The following CTNNA3 variants were observed in gnomAD, a reference collection of about 807,000 sequenced individuals.
The protein encoded by CTNNA3 is catenin alpha 3.
CTNNA3 carries 76 observed loss-of-function variants against 95.7 expected under a neutral mutation model. That is an observed-to-expected ratio of 0.79 (90% CI 0.66 to 0.96). The LOEUF (loss-of-function observed/expected upper bound fraction) is 0.96. Ranked by LOEUF, CTNNA3 falls within the 40% of genes least tolerant of loss-of-function variation. CTNNA3 has a pLI of 0.00. For missense variants in CTNNA3, 1,191 were observed against 1,089.8 expected (o/e 1.09, Z -1.31); for synonymous variants, 431 against 374.4 (o/e 1.15, Z -1.74).
chr10:67,259,576 A>C (rs1222522424), intron 5 of CTNNA3, among the ~76,000 whole-genome samples: 1 of 152,204 alleles, frequency 6.6e-6, no homozygotes, highest in African/African-American at 2.4e-5. Context: ...GAAAGATGAT[A>C]ATAAGATAAT....
intron 5 of CTNNA3, among the ~76,000 whole-genome samples, chr10:67,295,686 C>G (rs1840004905): frequency 3.9e-5 from 6 of 152,150 alleles, no homozygotes; most frequent in Admixed American, 3.9e-4. Context: ...TAAAATCAGG[C>G]AGTAAAGCCA....
chr10:67,482,522 G>T (rs990655561), intron 5 of CTNNA3, among the ~76,000 whole-genome samples: 3 of 152,088 alleles, frequency 2.0e-5, no homozygotes, highest in Non-Finnish European at 4.4e-5. Context: ...TTGTGAATGG[G>T]AGTTCACTCA....
chr10:66,360,808 C>CCTTTTCTTTCTTTCTTT (rs1491414686), intron 12 of CTNNA3, among the ~76,000 whole-genome samples: 1 of 61,810 alleles, frequency 1.6e-5, no homozygotes, highest in Non-Finnish European at 3.1e-5. Context: ...TTCCTTCCTT[C>CCTTTTCTTTCTTTCTTT]CTTCCTTCCT....
At chr10:66,819,606 G>T (rs1589291440) in intron 7 of CTNNA3, among the ~76,000 whole-genome samples, 1 of 151,642 alleles carries the variant, frequency 6.6e-6, no homozygotes, top group African/African-American at 2.4e-5. Flanking sequence ...TCTGATAAGG[G>T]TCTAGTATAC....
At chr10:67,592,435 T>C (rs924226115) in intron 3 of CTNNA3, among the ~76,000 whole-genome samples, 3 of 152,124 alleles carry the variant, frequency 2.0e-5, no homozygotes, top group African/African-American at 7.2e-5. Flanking sequence ...AAGAAGCTGC[T>C]GGACACCACT....
chr10:67,071,504 T>C (rs1345497709), intron 7 of CTNNA3, among the ~76,000 whole-genome samples: 5 of 105,040 alleles, frequency 4.8e-5, no homozygotes, highest in South Asian at 2.7e-4. Context: ...CTCTTTAAAG[T>C]TTTTTTTGTT....
chr10:66,475,572 CA>C (rs893830758), intron 11 of CTNNA3, among the ~76,000 whole-genome samples: 1 of 151,770 alleles, frequency 6.6e-6, no homozygotes, highest in African/African-American at 2.4e-5. Context: ...AGATACTTCT[CA>C]AAAAAAGATG....
At chr10:66,062,532 A>C (rs2133576066) in intron 15 of CTNNA3, among the ~76,000 whole-genome samples, 1 of 152,270 alleles carries the variant, frequency 6.6e-6, no homozygotes. Flanking sequence ...AACCCTCAGA[A>C]AAACATTACG....
At chr10:67,009,796 T>C (rs1052023513) in intron 7 of CTNNA3, among the ~76,000 whole-genome samples, 1 of 152,184 alleles carries the variant, frequency 6.6e-6, no homozygotes, top group South Asian at 2.1e-4. Context: ...TATTTCCTTT[T>C]CCCAGGTCAC....
intron 15 of CTNNA3, among the ~76,000 whole-genome samples, chr10:66,062,449 G>A (rs1361979129): frequency 1.3e-5 from 2 of 151,950 alleles, no homozygotes; most frequent in African/African-American, 2.4e-5. Context: ...ACAAACAAGC[G>A]AAAAACCTGC....
intron 11 of CTNNA3, among the ~76,000 whole-genome samples, chr10:66,415,056 C>A (rs1291644257): frequency 6.6e-6 from 1 of 152,140 alleles, no homozygotes; most frequent in Non-Finnish European, 1.5e-5. Flanking sequence ...TGGTACCACC[C>A]TCAACCCCCA....
At chr10:66,616,454 T>C (rs748995788) in intron 10 of CTNNA3, among the ~76,000 whole-genome samples, 1 of 152,108 alleles carries the variant, frequency 6.6e-6, no homozygotes, top group Non-Finnish European at 1.5e-5. Context: ...AAAGATATAA[T>C]GAGAGTGATT....
At chr10:65,972,415 T>G (rs933943263) in intron 16 of CTNNA3, among the ~76,000 whole-genome samples, 1 of 152,116 alleles carries the variant, frequency 6.6e-6, no homozygotes, top group African/African-American at 2.4e-5. Context: ...TTGCTGTTGA[T>G]ATGATTTTAT....
chr10:66,951,307 G>A (rs902905369), intron 7 of CTNNA3, among the ~76,000 whole-genome samples: 1 of 151,834 alleles, frequency 6.6e-6, no homozygotes, highest in Non-Finnish European at 1.5e-5. Context: ...GTAGAGATGG[G>A]GTTTCACCAT....
At chr10:66,117,653 G>C (rs1439227228) in intron 13 of CTNNA3, among the ~76,000 whole-genome samples, 1 of 152,142 alleles carries the variant, frequency 6.6e-6, no homozygotes, top group Non-Finnish European at 1.5e-5. Flanking sequence ...ATGTGAATGT[G>C]AAAGGACCAC....
chr10:67,372,522 G>A (rs1438279952), intron 5 of CTNNA3, among the ~76,000 whole-genome samples: 2 of 152,126 alleles, frequency 1.3e-5, no homozygotes, highest in African/African-American at 2.4e-5. Flanking sequence ...AAAGTGATAG[G>A]GAGAATGGAA....
chr10:66,007,436 T>G (rs958411372), intron 15 of CTNNA3, among the ~76,000 whole-genome samples: 8 of 152,276 alleles, frequency 5.3e-5, no homozygotes, highest in African/African-American at 1.9e-4. Context: ...TATTTATCTA[T>G]TGCAAAATGA....
chr10:67,169,184 A>T (rs540816857), intron 7 of CTNNA3, among the ~76,000 whole-genome samples: 1 of 152,358 alleles, frequency 6.6e-6, no homozygotes, highest in South Asian at 2.1e-4. Flanking sequence ...GATAGGAAGA[A>T]TCAGTATCAT....
intron 10 of CTNNA3, among the ~76,000 whole-genome samples, chr10:66,564,629 A>T (rs541143615): frequency 6.6e-6 from 1 of 152,246 alleles, no homozygotes; most frequent in African/African-American, 2.4e-5. Flanking sequence ...TTTTGAGGGG[A>T]CTTGAAAAGC....
Sources: gnomAD v4.1 joint callset for allele counts (sites outside exome capture counted in the v4.1 genomes callset) on GRCh38, gnomAD v4.1.1 for gene constraint, MANE v1.5 for transcripts, NCBI Gene and HGNC (gene_info 2026-07-23, HGNC 2026-07-21) for gene names.